Variants in GALNT14 observed in about 807,000 individuals in gnomAD.
GALNT14 encodes UDP-GalNAc:polypeptide N-acetylgalactosaminyltransferase 14.
A neutral mutation model predicts 77.5 loss-of-function variants in GALNT14; 60 were observed. That is an observed-to-expected ratio of 0.77 (90% CI 0.63 to 0.96). The LOEUF (loss-of-function observed/expected upper bound fraction) is 0.96. Ranked by LOEUF, GALNT14 falls within the 40% of genes least tolerant of loss-of-function variation. The pLI, the probability that GALNT14 is intolerant of heterozygous loss-of-function variation, is 0.00. For missense variants in GALNT14, 710 were observed against 731.0 expected (o/e 0.97, Z 0.33); for synonymous variants, 280 against 281.7 (o/e 0.99, Z 0.06).
chr2:30,908,089 C>A (rs1421140144), downstream of GALNT14, among the ~76,000 whole-genome samples: 16 of 130,620 alleles, frequency 1.2e-4, no homozygotes, highest in East Asian at 2.6e-3. Context: ...CTATGACAAA[C>A]CCACAGCCAA....
chr2:31,077,644 G>A (rs954116851), intron 1 of GALNT14, among the ~76,000 whole-genome samples: 3 of 152,140 alleles, frequency 2.0e-5, no homozygotes, highest in Admixed American at 6.5e-5. Flanking sequence ...TAATGACATT[G>A]AAAGTACCCA....
At chr2:31,116,442 A>AAT (rs1412386713) in intron 1 of GALNT14, among the ~76,000 whole-genome samples, 1 of 152,186 alleles carries the variant, frequency 6.6e-6, no homozygotes, top group Non-Finnish European at 1.5e-5. Flanking sequence ...AAAAATTAAA[A>AAT]ATAGATGGTC....
chr2:31,100,335 C>T (rs1056618362), intron 1 of GALNT14, among the ~76,000 whole-genome samples: 2 of 152,026 alleles, frequency 1.3e-5, no homozygotes, highest in Admixed American at 1.3e-4. Context: ...AAGAACCTAT[C>T]CTCAATGTTG....
At chr2:31,069,093 C>A (rs926700116) in intron 1 of GALNT14, among the ~76,000 whole-genome samples, 5 of 152,136 alleles carry the variant, frequency 3.3e-5, no homozygotes, top group African/African-American at 1.2e-4. Flanking sequence ...TTGTATAACC[C>A]TGAGAATACA....
chr2:31,015,491 G>C (rs1235832057), intron 1 of GALNT14, among the ~76,000 whole-genome samples: 1 of 152,074 alleles, frequency 6.6e-6, no homozygotes, highest in Non-Finnish European at 1.5e-5. Context: ...GCTAACAGTT[G>C]AGATGAATCA....
chr2:31,126,774 C>T (rs1019277859), intron 1 of GALNT14: 9 of 152,258 alleles, frequency 5.9e-5, no homozygotes, highest in Non-Finnish European at 1.3e-4. Context: ...CATTGTCCTG[C>T]ATGCCCCTCC....
At chr2:30,930,478 A>G (rs1665659120) in intron 10 of GALNT14, among the ~76,000 whole-genome samples, 1 of 152,234 alleles carries the variant, frequency 6.6e-6, no homozygotes, top group Non-Finnish European at 1.5e-5. Flanking sequence ...CGAATCACAG[A>G]AAAGGAGACA....
intron 1 of GALNT14, among the ~76,000 whole-genome samples, chr2:31,065,622 T>C (rs1674897501): frequency 6.6e-6 from 1 of 152,192 alleles, no homozygotes; most frequent in African/African-American, 2.4e-5. Context: ...CACACCTTCC[T>C]GCCTGGTCAA....
intron 12 of GALNT14, among the ~76,000 whole-genome samples, 171 bp downstream of exon 12, chr2:30,924,568 GT>G (rs1213342401): frequency 6.6e-6 from 1 of 152,180 alleles, no homozygotes; most frequent in African/African-American, 2.4e-5. Context: ...TATTGATTCA[GT>G]ATAAGGTCCC....
chr2:31,044,463 T>C (rs1367316199), intron 1 of GALNT14, among the ~76,000 whole-genome samples: 5 of 152,212 alleles, frequency 3.3e-5, no homozygotes, highest in African/African-American at 1.2e-4. Flanking sequence ...GTGCCTAGGA[T>C]GTAATTCAGA....
intron 10 of GALNT14, 34 bp downstream of exon 10, chr2:30,932,034 G>C (rs774065276): frequency 1.4e-5 from 20 of 1,464,570 alleles, no homozygotes; most frequent in Non-Finnish European, 1.8e-5. Context: ...TGCCTGTGCT[G>C]CTGCCCACCC....
At chr2:30,969,462 T>C (rs79616960) in intron 2 of GALNT14, among the ~76,000 whole-genome samples, 3,458 of 152,184 alleles carry the variant, frequency 0.023, 146 homozygotes, top group East Asian at 0.21. Flanking sequence ...TTGAGAGCTT[T>C]TGGGGACAGG....
At chr2:30,900,755 C>T in the GALNT14 span, among the ~76,000 whole-genome samples, 1 of 152,178 alleles carries the variant, frequency 6.6e-6, no homozygotes, top group African/African-American at 2.4e-5. Flanking sequence ...AATTCAGAGT[C>T]AGAGTCATGA....
downstream of GALNT14, among the ~76,000 whole-genome samples, chr2:30,907,209 C>T (rs539228151): frequency 2.4e-4 from 36 of 152,066 alleles, no homozygotes; most frequent in South Asian, 1.9e-3. Context: ...TAACTAAGAT[C>T]GGAGCAGAAC....
At chr2:31,061,746 C>T (rs1200594889) in intron 1 of GALNT14, among the ~76,000 whole-genome samples, 2 of 152,188 alleles carry the variant, frequency 1.3e-5, no homozygotes, top group Admixed American at 6.5e-5. Context: ...CAAGTGTTGG[C>T]TCATGCTATT....
chr2:31,046,694 C>T (rs1357833496), intron 1 of GALNT14, among the ~76,000 whole-genome samples: 1 of 152,110 alleles, frequency 6.6e-6, no homozygotes, highest in Non-Finnish European at 1.5e-5. Flanking sequence ...CAGTAGAGGT[C>T]AATGGCCTAC....
At chr2:30,987,847 C>G (rs984535083) in intron 2 of GALNT14, among the ~76,000 whole-genome samples, 12 of 152,156 alleles carry the variant, frequency 7.9e-5, no homozygotes, top group African/African-American at 2.9e-4. Context: ...TAATAGTTCT[C>G]TGTTTCAGGC....
chr2:30,900,574 G>A, the GALNT14 span, among the ~76,000 whole-genome samples: 3 of 152,086 alleles, frequency 2.0e-5, no homozygotes, highest in Non-Finnish European at 2.9e-5. Flanking sequence ...TCCCACAGCC[G>A]GTGGGAAAGA....
chr2:30,890,143 A>G, the GALNT14 span, among the ~76,000 whole-genome samples: 5 of 152,196 alleles, frequency 3.3e-5, no homozygotes, highest in Non-Finnish European at 7.3e-5. Flanking sequence ...AATGGCCACC[A>G]GTAAAGGAGG....
Sources: gnomAD v4.1 joint callset for allele counts (sites outside exome capture counted in the v4.1 genomes callset) on GRCh38, gnomAD v4.1.1 for gene constraint, MANE v1.5 for transcripts, NCBI Gene and HGNC (gene_info 2026-07-23, HGNC 2026-07-21) for gene names.